OSBPL5: variants seen among roughly 807,000 people sequenced by gnomAD.
OSBPL5 encodes oxysterol binding protein like 5.
OSBPL5 carries 71 observed loss-of-function variants against 111.2 expected under a neutral mutation model. That is an observed-to-expected ratio of 0.64 (90% confidence interval 0.53 to 0.78). The LOEUF (loss-of-function observed/expected upper bound fraction) is 0.78. Among genes scored for constraint, OSBPL5 ranks in the 30% least tolerant of loss-of-function variants. OSBPL5 has a pLI of 0.00. For missense variants in OSBPL5, 1,210 were observed against 1,189.3 expected (o/e 1.02, Z -0.26); for synonymous variants, 549 against 513.9 (o/e 1.07, Z -0.93).
intron 7 of OSBPL5, among the ~76,000 whole-genome samples, chr11:3,118,932 T>C (rs773303819): frequency 1.3e-5 from 2 of 152,002 alleles, no homozygotes; most frequent in Non-Finnish European, 2.9e-5. Context: ...CACACTGGCA[T>C]GTGGTTGGAG....
intron 7 of OSBPL5, among the ~76,000 whole-genome samples, chr11:3,118,634 T>A (rs149320217): frequency 0.01 from 1,501 of 148,484 alleles, 20 homozygotes; most frequent in African/African-American, 0.036. Context: ...TGCAGTGGTG[T>A]GATCTTGGCT....
rs1858787066 is a variant in OSBPL5 at position 3,130,445 on chromosome 11, G to A, written c.-21-1276C>T. On this transcript the variant is annotated intron_variant, in intron 1 of 21. Transcript: ENST00000263650. This position sits in a 1 kb window ranked among gnomAD's most constrained non-coding sequence, Gnocchi z 4.5. ...GACACACAGAGACTTTCCTGCTGTG[G>A]CTTCAGGAGTGGGCTGGGGGCCCAG... 6.6e-6 allele frequency among the ~76,000 whole-genome samples: 1 copy of A among 152,222 alleles called. No individual in the cohort carries two copies. Among genetic ancestry groups the A allele is most frequent in the Non-Finnish European group, 1.5e-5 (1 of 68,038 alleles).
intron 1 of OSBPL5, among the ~76,000 whole-genome samples, chr11:3,143,525 A>T (rs1846216768): frequency 6.6e-6 from 1 of 152,240 alleles, no homozygotes; most frequent in South Asian, 2.1e-4. Flanking sequence ...GGCCTTCAGG[A>T]GGCAGGAAGC....
At chr11:3,093,881 G>C (rs2134387848) in intron 15 of OSBPL5, 46 bp from the exon 16 acceptor site, 1 of 1,573,888 alleles carries the variant, frequency 6.4e-7, no homozygotes, top group Non-Finnish European at 8.6e-7. Flanking sequence ...GGGGGCTGGG[G>C]CCTCCAGAAT....
chr11:3,131,695 CATCT>C (rs1409574171), intron 1 of OSBPL5, among the ~76,000 whole-genome samples: 5 of 134,320 alleles, frequency 3.7e-5, no homozygotes, highest in Admixed American at 3.7e-4. Context: ...CCCACCCATT[CATCT>C]ATCCATCCAT....
intron 7 of OSBPL5, among the ~76,000 whole-genome samples, chr11:3,112,072 T>TGTGTGTGC (rs1857998858): frequency 1.5e-5 from 1 of 67,470 alleles, no homozygotes. Context: ...TATGTGTGTG[T>TGTGTGTGC]GCATGTGTGT....
Position 3,104,304 on chromosome 11 carries a change from A to G in OSBPL5, c.1133T>C (p.Leu378Pro), listed in dbSNP as rs566594934. The G allele has an allele frequency of 6.2e-7, 1 of 1,613,766 alleles. No individual in the cohort carries two copies. Among genetic ancestry groups the G allele is most frequent in the East Asian group, 2.2e-5 (1 of 44,886 alleles). ...KSLMWTLLKQ[L>P]RPGMDLSRVV... The stretch of plus-strand genomic sequence containing the variant: ...GCGGGACAGGTCCATGCCTGGCCGT[A>G]GCTGCTTCAGCAGGGTCCACATCAG... Residue 378 changes from leucine to proline, a missense_variant, in exon 10 of 22, where the codon CTA becomes CCA. By Grantham distance (98) the Leu-to-Pro change is moderately conservative. Transcript: ENST00000263650. This position sits in a 1 kb window ranked among gnomAD's most constrained non-coding sequence, Gnocchi z 5.0.
intron 12 of OSBPL5, 95 bp from the exon 13 acceptor site, chr11:3,101,794 C>G: frequency 2.0e-6 from 2 of 990,724 alleles, no homozygotes; most frequent in Non-Finnish European, 3.1e-6. Flanking sequence ...GTCCCTGTCC[C>G]TGACGCCACA....
intron 14 of OSBPL5, among the ~76,000 whole-genome samples, chr11:3,099,485 C>T (rs1323212815): frequency 2.6e-5 from 4 of 152,176 alleles, no homozygotes; most frequent in African/African-American, 9.7e-5. Context: ...CACACAGGAA[C>T]TCTCTGTACT....
At chr11:3,115,090 C>G (rs571679230) in intron 7 of OSBPL5, among the ~76,000 whole-genome samples, 243 of 152,234 alleles carry the variant, frequency 1.6e-3, no homozygotes, top group African/African-American at 5.5e-3. Context: ...TTTTCCTCCT[C>G]AGGTTCTGTT....
intron 1 of OSBPL5, among the ~76,000 whole-genome samples, chr11:3,159,988 G>A (rs75886598): frequency 6.6e-6 from 1 of 152,140 alleles, no homozygotes; most frequent in African/African-American, 2.4e-5. Context: ...GATCAGATCC[G>A]AGGCGGTGCC....
intron 13 of OSBPL5, among the ~76,000 whole-genome samples, chr11:3,101,078 G>A (rs190990804): frequency 2.6e-3 from 389 of 150,504 alleles, no homozygotes; most frequent in Non-Finnish European, 5.0e-3. Flanking sequence ...GGGTTCAAGC[G>A]ATTCTCCTGC....
rs1858092050 is a variant in OSBPL5 at position 3,113,667 on chromosome 11, A to T, written c.692-5722T>A. On this transcript the variant is annotated intron_variant, in intron 7 of 21. Transcript: ENST00000263650. The surrounding 1 kb of genome is among the most constrained non-coding windows in gnomAD (Gnocchi z 4.8). ...AAGACTCCGTCTCAAAAAAAAAAAAATTTATATTGGTTTAATAAAAATAGC... is the reference window on the plus strand; with the variant it reads ...AAGACTCCGTCTCAAAAAAAAAAAATTTTATATTGGTTTAATAAAAATAGC... Among the ~76,000 whole-genome samples the T allele has an allele frequency of 6.7e-6, 1 of 148,164 alleles. No homozygotes were observed.
At position 3,104,491 on chromosome 11, in the gene OSBPL5, A is replaced by G; in HGVS notation, c.1060-114T>C. 1 of 1,126,352 alleles carries G rather than the reference A, an allele frequency of 8.9e-7. No individual in the cohort carries two copies. Among genetic ancestry groups the G allele is most frequent in the Non-Finnish European group, 1.2e-6 (1 of 809,738 alleles). The allele number at this position is 1,126,352 out of a possible 1,614,324, so 69.8% of individuals were successfully genotyped here. On this transcript the variant is annotated intron_variant, in intron 9 of 21. Coordinates refer to ENST00000263650, the MANE Select transcript of OSBPL5 (RefSeq NM_020896.4). The surrounding 1 kb of genome is among the most constrained non-coding windows in gnomAD (Gnocchi z 5.0). The stretch of plus-strand genomic sequence containing the variant: ...TGTACCTGCCACCCCTTAGGGTGTA[A>G]ACCCCTGACCTGGCCTCCATGGCCT...
intron 20 of OSBPL5, 66 bp from the exon 21 acceptor site, chr11:3,090,014 G>A (rs1399984504): frequency 7.7e-7 from 1 of 1,304,540 alleles, no homozygotes; most frequent in East Asian, 2.6e-5. Flanking sequence ...GAGGTCCAGT[G>A]GGGCTGGCAC....
At chr11:3,127,865 C>T (rs995299801) in intron 2 of OSBPL5, among the ~76,000 whole-genome samples, 7 of 152,128 alleles carry the variant, frequency 4.6e-5, no homozygotes, top group African/African-American at 9.7e-5. Flanking sequence ...TGGGACCTAC[C>T]GCCTCCATTC....
intron 19 of OSBPL5, 95 bp from the exon 20 acceptor site, chr11:3,090,791 A>C: frequency 6.9e-7 from 1 of 1,446,798 alleles, no homozygotes; most frequent in East Asian, 2.5e-5. Context: ...GGACAGTGCT[A>C]GAGGTGGCAG....
At chr11:3,098,198 ATTAGAG>A (rs1257631120) in intron 14 of OSBPL5, among the ~76,000 whole-genome samples, 3 of 152,072 alleles carry the variant, frequency 2.0e-5, no homozygotes, top group Non-Finnish European at 4.4e-5. Flanking sequence ...CGTCAAGTTA[ATTAGAG>A]TTAAAGATAC....
In OSBPL5 at chr11:3,110,389, A is replaced by G. The variant is rs1489158200; in HGVS notation, c.692-2444T>C. Among the ~76,000 whole-genome samples, 2 of 152,214 alleles carry G rather than the reference A, an allele frequency of 1.3e-5. No individual in the cohort carries two copies. Among genetic ancestry groups the G allele is most frequent in the Non-Finnish European group, 2.9e-5 (2 of 68,032 alleles). ...ATCCCTCCAGGTGGAGGATCATCGC[A>G]GTCACAGCTGCCTGAGCGGCCACTC... is the stretch of plus-strand genomic sequence containing the variant. On this transcript the variant is annotated intron_variant, in intron 7 of 21. Transcript: ENST00000263650. The surrounding 1 kb of genome is among the most constrained non-coding windows in gnomAD (Gnocchi z 5.3).
Sources: allele counts gnomAD v4.1 joint callset (sites outside exome capture counted in the v4.1 genomes callset), GRCh38; gene constraint gnomAD v4.1.1; non-coding constraint Gnocchi (gnomAD v3.1); transcripts MANE v1.5; gene names NCBI Gene and HGNC (gene_info 2026-07-23, HGNC 2026-07-21).